The following RRAS2 variants were observed in gnomAD, a reference collection of about 807,000 sequenced individuals.
The protein encoded by RRAS2 is ras-related protein R-Ras2.
A neutral mutation model predicts 27.6 loss-of-function variants in RRAS2; 7 were observed. That is an observed-to-expected ratio of 0.25 (90% CI 0.14 to 0.48). The LOEUF (loss-of-function observed/expected upper bound fraction) is 0.48. RRAS2 is among the 20% of genes least tolerant of loss of function. The pLI, the probability that RRAS2 is intolerant of heterozygous loss-of-function variation, is 0.99. For synonymous variants in RRAS2, 86 were observed against 90.9 expected, an observed-to-expected ratio of 0.95 and a Z score of 0.31; for missense variants, 178 against 256.2, an observed-to-expected ratio of 0.69 and a Z score of 2.08.
intron 1 of RRAS2, among the ~76,000 whole-genome samples, chr11:14,338,794 G>A (rs1848640607): frequency 6.6e-6 from 1 of 151,612 alleles, no homozygotes; most frequent in South Asian, 2.1e-4. Context: ...ACAAAACAGT[G>A]AATATGGGAC....
At chr11:14,300,843 A>G (rs1281158099) in intron 1 of RRAS2, among the ~76,000 whole-genome samples, 1 of 152,182 alleles carries the variant, frequency 6.6e-6, no homozygotes, top group Non-Finnish European at 1.5e-5. Context: ...AAGGAGTGAC[A>G]ACACACTTTC....
chr11:14,280,118 G>A (rs1303220953), intron 5 of RRAS2, among the ~76,000 whole-genome samples: 2 of 152,116 alleles, frequency 1.3e-5, no homozygotes, highest in Non-Finnish European at 1.5e-5. Flanking sequence ...AATGGAACTG[G>A]AATGGGAAAG....
At chr11:14,304,683 C>T (rs924392174) in intron 1 of RRAS2, among the ~76,000 whole-genome samples, 5 of 152,158 alleles carry the variant, frequency 3.3e-5, no homozygotes, top group African/African-American at 1.2e-4. Flanking sequence ...GAATTAATTT[C>T]CCCAAGCACA....
At chr11:14,342,351 C>T (rs1554953387) in intron 1 of RRAS2, among the ~76,000 whole-genome samples, 1 of 152,194 alleles carries the variant, frequency 6.6e-6, no homozygotes. Context: ...TGGGCAAATC[C>T]CTTCTTCCCA....
At position 14,358,574 on chromosome 11, in the gene RRAS2, G is replaced by A. The variant is rs550368950; in HGVS notation, c.108+189C>T. 874 of 986,490 alleles carry A rather than the reference G, an allele frequency of 8.9e-4. No individual in the cohort carries two copies. The highest frequency in any genetic ancestry group is 2.4e-3 in the South Asian group (51 of 21,314). 61.1% of individuals were successfully genotyped at this position (986,490 alleles called of 1,614,324 possible). A position where few individuals can be genotyped will look rare whatever the true frequency, so the allele number is the denominator to read the frequency against. On this transcript the variant is annotated intron_variant, in intron 1 of 5. Coordinates refer to ENST00000256196, the MANE Select transcript of RRAS2 (RefSeq NM_012250.6). The surrounding 1 kb of genome is among the most constrained non-coding windows in gnomAD (Gnocchi z 5.1). ...TACTCCCGCGACGCCGCGCCCGGGA[G>A]GAGGCAGGAGCGCGACGCTGCGGCC...
chr11:14,295,717 T>TAA lies in RRAS2; in HGVS notation c.196+50_196+51insTT. 2.1e-6 allele frequency: 3 copies of TAA among 1,446,100 alleles called. No individual in the cohort carries two copies. In the African/African-American group the frequency reaches 4.3e-5, roughly 21 times the overall value. 89.6% of individuals were successfully genotyped at this position (1,446,100 alleles called of 1,614,324 possible). On this transcript the variant is annotated intron_variant, in intron 2 of 5. Coordinates refer to ENST00000256196, the MANE Select transcript of RRAS2 (RefSeq NM_012250.6). ...AACATAGCAAAACATCAGCGCTTAC[T>TAA]TTTTTAAAAAATATGATATGCAAAT...
In RRAS2 at chr11:14,358,355, G is replaced by T. The variant is rs1338158599; in HGVS notation, c.108+408C>A. The T allele has an allele frequency of 2.0e-6, 2 of 985,410 alleles. No individual in the cohort carries two copies. Among genetic ancestry groups the T allele is most frequent in the Non-Finnish European group, 2.4e-6 (2 of 830,016 alleles). 61.0% of individuals were successfully genotyped at this position (985,410 alleles called of 1,614,324 possible). On this transcript the variant is annotated intron_variant, in intron 1 of 5. Coordinates refer to ENST00000256196, the MANE Select transcript of RRAS2 (RefSeq NM_012250.6). This position sits in a 1 kb window ranked among gnomAD's most constrained non-coding sequence, Gnocchi z 5.1. ...CCGCTATCGCCCCGACGGTGAAGGC[G>T]CGGCCGCAGGCGGCTGGAAAAGCAG...
chr11:14,359,370 G>A (rs1849157892), upstream of RRAS2, among the ~76,000 whole-genome samples: 1 of 152,274 alleles, frequency 6.6e-6, no homozygotes, highest in South Asian at 2.1e-4. Context: ...TTGGGAGTGG[G>A]ACGAAGGCAG....
In RRAS2 at chr11:14,358,480, A is replaced by G. The variant is rs1345752778; in HGVS notation, c.108+283T>C. ...CCCGGAGGTCTCTGGCCTCGGCCAG[A>G]GCAATAAGGTGGATCGGTGCTTCCC... On this transcript the variant is annotated intron_variant, in intron 1 of 5. Coordinates refer to ENST00000256196, the MANE Select transcript of RRAS2 (RefSeq NM_012250.6). This position sits in a 1 kb window ranked among gnomAD's most constrained non-coding sequence, Gnocchi z 5.1. 1.0e-6 allele frequency: 1 copy of G among 985,236 alleles called. No individual in the cohort carries two copies. Among genetic ancestry groups the G allele is most frequent in the Non-Finnish European group, 1.2e-6 (1 of 830,040 alleles). 61.0% of individuals were successfully genotyped at this position (985,236 alleles called of 1,614,324 possible).
rs1290351871 is a variant in RRAS2 at position 14,281,504 on chromosome 11, T to C, written c.527+98A>G. ...AAAAATTGTAATGCACCATGTGCATTAATCCCTAGAAAGGAATCACTTCCA... is the reference window on the plus strand; with the variant it reads ...AAAAATTGTAATGCACCATGTGCATCAATCCCTAGAAAGGAATCACTTCCA... On this transcript the variant is annotated intron_variant, in intron 5 of 5. Transcript: ENST00000256196. 1.4e-5 allele frequency: 13 copies of C among 898,674 alleles called. No individual in the cohort carries two copies. In the East Asian group the frequency reaches 3.8e-4, roughly 26 times the overall value. The allele number at this position is 898,674 out of a possible 1,614,324, so 55.7% of individuals were successfully genotyped here. A position where few individuals can be genotyped will look rare whatever the true frequency, so the allele number is the denominator to read the frequency against.
upstream of RRAS2, among the ~76,000 whole-genome samples, chr11:14,359,489 A>G (rs1194539915): frequency 6.6e-6 from 1 of 152,224 alleles, no homozygotes; most frequent in Non-Finnish European, 1.5e-5. Flanking sequence ...ACTCAATTTT[A>G]TAGGAGAGTA....
intron 1 of RRAS2, among the ~76,000 whole-genome samples, chr11:14,304,255 G>T (rs1365544106): frequency 6.6e-6 from 1 of 152,220 alleles, no homozygotes; most frequent in Non-Finnish European, 1.5e-5. Flanking sequence ...AATGAAAGGG[G>T]CTTAAGGAGA....
rs1438623789 is a variant in RRAS2, at chr11:14,278,228, T to C, written c.*1109A>G. ...CAGAGTCTCATCCTGTTGTACTCTATTGGGAAGGTTTCTTGAGTAGTTATG... is the reference window on the plus strand; with the variant it reads ...CAGAGTCTCATCCTGTTGTACTCTACTGGGAAGGTTTCTTGAGTAGTTATG... On this transcript the variant is annotated 3_prime_UTR_variant, in exon 6 of 6. Transcript: ENST00000256196. 1 of 152,226 alleles carries C rather than the reference T, an allele frequency of 6.6e-6. No homozygotes were observed. The highest frequency in any genetic ancestry group is 1.5e-5 in the Non-Finnish European group (1 of 68,042). 9.4% of individuals were successfully genotyped at this position (152,226 alleles called of 1,614,324 possible).
At chr11:14,338,932 T>C (rs546702829) in intron 1 of RRAS2, among the ~76,000 whole-genome samples, 1 of 152,230 alleles carries the variant, frequency 6.6e-6, no homozygotes, top group South Asian at 2.1e-4. Context: ...TGTGACGCCA[T>C]CTGTTTGGAC....
intron 1 of RRAS2, among the ~76,000 whole-genome samples, chr11:14,353,502 T>C (rs781799004): frequency 3.3e-5 from 5 of 151,716 alleles, no homozygotes; most frequent in Admixed American, 2.6e-4. Context: ...GGCTGGAGAA[T>C]CGCTTGAACC....
chr11:14,343,687 A>G (rs555447660), intron 1 of RRAS2, among the ~76,000 whole-genome samples: 1 of 151,706 alleles, frequency 6.6e-6, no homozygotes, highest in Non-Finnish European at 1.5e-5. Context: ...TACAAAAATT[A>G]GCGGGGCATG....
intron 1 of RRAS2, among the ~76,000 whole-genome samples, chr11:14,344,715 G>A (rs1375675285): frequency 6.6e-6 from 1 of 152,180 alleles, no homozygotes; most frequent in Non-Finnish European, 1.5e-5. Context: ...TCAGACTGTT[G>A]TATACTTCCC....
chr11:14,280,599 G>A (rs562969841), intron 5 of RRAS2, among the ~76,000 whole-genome samples: 3 of 151,542 alleles, frequency 2.0e-5, no homozygotes, highest in East Asian at 1.9e-4. Context: ...GGTGGCAGGC[G>A]CCTGTAAATC....
chr11:14,319,504 G>A (rs935802301), intron 1 of RRAS2, among the ~76,000 whole-genome samples: 11 of 152,006 alleles, frequency 7.2e-5, no homozygotes, highest in South Asian at 2.1e-4. Context: ...GACTACAGGC[G>A]CCCGCCACCG....
Sources: allele counts gnomAD v4.1 joint callset (sites outside exome capture counted in the v4.1 genomes callset), GRCh38; gene constraint gnomAD v4.1.1; non-coding constraint Gnocchi (gnomAD v3.1); transcripts MANE v1.5; gene names NCBI Gene and HGNC (gene_info 2026-07-23, HGNC 2026-07-21).